The following LRRC20 variants were observed in gnomAD, a reference collection of about 807,000 sequenced individuals.
The protein encoded by LRRC20 is leucine rich repeat containing 20, also known as leucine-rich repeat-containing protein 20.
In LRRC20, 11 loss-of-function variants were observed where a neutral mutation model predicts 14.4. The observed-to-expected ratio is 0.77, with a 90% CI of 0.48 to 1.27. The LOEUF (loss-of-function observed/expected upper bound fraction) is 1.27. LRRC20 is among the 50% of genes most tolerant of loss of function. The pLI is 0.00. For missense variants in LRRC20, 219 were observed against 251.2 expected, an observed-to-expected ratio of 0.87 and a Z score of 0.87; for synonymous variants, 121 against 107.3, an observed-to-expected ratio of 1.13 and a Z score of -0.79.
chr10:70,376,402 A>T (rs1240863325), intron 2 of LRRC20, 50 bp downstream of exon 2: 1 of 1,568,726 alleles, frequency 6.4e-7, no homozygotes, highest in Non-Finnish European at 8.8e-7. Flanking sequence ...TTCTAAGCTG[A>T]TCTCACAACT....
At chr10:70,362,728 G>C (rs1024282336) in intron 2 of LRRC20, among the ~76,000 whole-genome samples, 3 of 105,830 alleles carry the variant, frequency 2.8e-5, no homozygotes, top group Non-Finnish European at 7.1e-5. Flanking sequence ...CGTGCCTCAA[G>C]GGGGGCAGTT....
intron 2 of LRRC20, among the ~76,000 whole-genome samples, chr10:70,365,291 C>G (rs138679684): frequency 0.015 from 2,353 of 152,266 alleles, 57 homozygotes; most frequent in African/African-American, 0.046. Flanking sequence ...GACTCCTGAC[C>G]TCGTGATCCA....
chr10:70,303,435 T>C lies in LRRC20; in HGVS notation c.401-1927A>G, dbSNP rs932993331. Among the ~76,000 whole-genome samples the C allele has an allele frequency of 3.3e-5, 5 of 152,328 alleles. No homozygotes were observed. In the East Asian group the frequency reaches 9.6e-4, roughly 29 times the overall value. ...GAGCTATCTGGGAAGTTCCAGACTA[T>C]ATTGGATCATCACTATGCTGGATCA... On this transcript the variant is annotated intron_variant, in intron 4 of 4. Transcript: ENST00000446961.
rs145972052 is a variant in LRRC20 at position 70,357,062 on chromosome 10, G to A, written c.83-16360C>T. 3.6e-3 allele frequency among the ~76,000 whole-genome samples: 551 copies of A among 152,290 alleles called. 6 individuals carry two copies. The South Asian group carries it at 0.056, about 15-fold the overall frequency. On this transcript the variant is annotated intron_variant, in intron 2 of 4. Coordinates refer to ENST00000446961, the MANE Select transcript of LRRC20 (RefSeq NM_001278212.2). ...TCCTGACATGGGCTGCAACATGAATGAACCTTGAAAACATTTTGCTATGTG... is the reference window on the plus strand; with the variant it reads ...TCCTGACATGGGCTGCAACATGAATAAACCTTGAAAACATTTTGCTATGTG...
At chr10:70,306,125 T>C (rs367822866) in intron 4 of LRRC20, among the ~76,000 whole-genome samples, 2 of 144,008 alleles carry the variant, frequency 1.4e-5, no homozygotes, top group African/African-American at 5.1e-5. Context: ...TCTCTCTCTC[T>C]CTCCCCCACC....
chr10:70,371,639 A>C (rs1844275783), intron 2 of LRRC20, among the ~76,000 whole-genome samples: 3 of 152,106 alleles, frequency 2.0e-5, no homozygotes, highest in Admixed American at 1.3e-4. Flanking sequence ...CAGATGGAAA[A>C]GGGGCAGGGA....
intron 3 of LRRC20, among the ~76,000 whole-genome samples, chr10:70,332,483 A>C (rs1051620134): frequency 1.3e-5 from 2 of 152,132 alleles, no homozygotes; most frequent in African/African-American, 4.8e-5. Flanking sequence ...GTCTCTACAA[A>C]CAATACAAAA....
chr10:70,310,393 AC>A (rs1261779766), intron 4 of LRRC20, among the ~76,000 whole-genome samples: 3 of 151,792 alleles, frequency 2.0e-5, no homozygotes, highest in Admixed American at 1.3e-4. Flanking sequence ...GAGGAAAGGG[AC>A]CTCCGCTTTG....
intron 3 of LRRC20, among the ~76,000 whole-genome samples, chr10:70,328,686 A>AGT (rs1255981051): frequency 6.6e-6 from 1 of 152,202 alleles, no homozygotes; most frequent in Non-Finnish European, 1.5e-5. Context: ...GGGAGGCCAA[A>AGT]GTGGGTGGAT....
Position 70,374,351 on chromosome 10 carries a change from C to CTTT in LRRC20, c.82+2098_82+2100dup, listed in dbSNP as rs57167315. Among the ~76,000 whole-genome samples the CTTT allele has an allele frequency of 1.2e-4, 16 of 133,186 alleles. 8 individuals carry two copies. Among genetic ancestry groups the CTTT allele is most frequent in the Non-Finnish European group, 9.7e-5 (6 of 61,754 alleles). 87.4% of individuals were successfully genotyped at this position (133,186 alleles called of 152,430 possible). A position where few individuals can be genotyped will look rare whatever the true frequency, so the allele number is the denominator to read the frequency against. On this transcript the variant is annotated intron_variant, in intron 2 of 4. Transcript: ENST00000446961. ...GCTGTGTCCCTATCCCCTGTGAAGC[C>CTTT]TTTTTTTTTTTTTTTTGAGATGGAA...
chr10:70,336,092 A>C (rs1842718778), intron 3 of LRRC20, among the ~76,000 whole-genome samples: 1 of 152,128 alleles, frequency 6.6e-6, no homozygotes. Context: ...ATCATTTCCA[A>C]ATGACACGGC....
chr10:70,348,220 T>C (rs2137048556), intron 2 of LRRC20, among the ~76,000 whole-genome samples: 1 of 152,248 alleles, frequency 6.6e-6, no homozygotes, highest in East Asian at 1.9e-4. Context: ...AGGGCCCTGC[T>C]GGGATGTGAT....
intron 4 of LRRC20, among the ~76,000 whole-genome samples, chr10:70,303,536 C>T (rs1043218145): frequency 6.6e-6 from 1 of 152,100 alleles, no homozygotes; most frequent in African/African-American, 2.4e-5. Context: ...CAAAATTTAA[C>T]GTGTAGAATT....
intron 2 of LRRC20, among the ~76,000 whole-genome samples, chr10:70,342,429 A>G (rs776772078): frequency 1.3e-5 from 2 of 152,156 alleles, no homozygotes; most frequent in Non-Finnish European, 2.9e-5. Context: ...TTATACATCA[A>G]TAAAGCTGAT....
intron 2 of LRRC20, among the ~76,000 whole-genome samples, chr10:70,367,146 G>A (rs1022799401): frequency 2.6e-5 from 4 of 151,850 alleles, no homozygotes; most frequent in African/African-American, 9.7e-5. Flanking sequence ...CCAACACAGG[G>A]AGACCCCATC....
chr10:70,374,981 C>T (rs888076247), intron 2 of LRRC20, among the ~76,000 whole-genome samples: 1 of 152,142 alleles, frequency 6.6e-6, no homozygotes, highest in Non-Finnish European at 1.5e-5. Context: ...GTTAAGCAAT[C>T]TGCTACAGTA....
At chr10:70,348,751 A>C (rs1993983) in intron 2 of LRRC20, among the ~76,000 whole-genome samples, 1 of 152,238 alleles carries the variant, frequency 6.6e-6, no homozygotes, top group African/African-American at 2.4e-5. Context: ...AAACTCCTGT[A>C]GGCCCTTCAA....
intron 2 of LRRC20, among the ~76,000 whole-genome samples, chr10:70,364,312 T>A (rs1843881955): frequency 6.6e-6 from 1 of 152,176 alleles, no homozygotes; most frequent in Admixed American, 6.5e-5. Context: ...GGCAGCCCCC[T>A]TTCAGTGTAA....
At chr10:70,369,565 C>T (rs1180931458) in intron 2 of LRRC20, among the ~76,000 whole-genome samples, 1 of 134,714 alleles carries the variant, frequency 7.4e-6, no homozygotes, top group Non-Finnish European at 1.5e-5. Context: ...GATGGTGTCA[C>T]TGCACTCCAG....
Sources: allele counts gnomAD v4.1 joint callset (sites outside exome capture counted in the v4.1 genomes callset), GRCh38; gene constraint gnomAD v4.1.1; transcripts MANE v1.5; gene names NCBI Gene and HGNC (gene_info 2026-07-23, HGNC 2026-07-21).